The following OAS3 variants were observed in gnomAD, a reference collection of about 807,000 sequenced individuals.
The protein encoded by OAS3 is 2'-5'-oligoadenylate synthase 3.
In OAS3, 107 loss-of-function variants were observed where a neutral mutation model predicts 113.0. The observed-to-expected ratio is 0.95, with a 90% confidence interval of 0.81 to 1.11. The LOEUF (loss-of-function observed/expected upper bound fraction) is 1.11, where lower values mean the gene tolerates loss of function less well. Ranked by LOEUF, OAS3 falls within the 50% of genes most tolerant of loss-of-function variation. The probability of loss-of-function intolerance (pLI) is 0.00; values close to 1 mark genes in which losing one functional copy is unlikely to be tolerated. For synonymous variants in OAS3, 552 were observed against 573.6 expected, an observed-to-expected ratio of 0.96 and a Z score of 0.54; for missense variants, 1,258 against 1,389.1, an observed-to-expected ratio of 0.91 and a Z score of 1.50.
intron 12 of OAS3, among the ~76,000 whole-genome samples, chr12:112,967,162 C>G (rs1174546585): frequency 6.6e-6 from 1 of 152,170 alleles, no homozygotes; most frequent in Non-Finnish European, 1.5e-5. Context: ...TAGCTCCCAG[C>G]TGAGACTTTT....
chr12:112,969,504 C>A (rs1424187254), intron 14 of OAS3, 104 bp from the exon 15 acceptor site: 3 of 1,363,124 alleles, frequency 2.2e-6, no homozygotes, highest in South Asian at 1.3e-5. Flanking sequence ...CTGGCTCTAG[C>A]CCCTGCAAAG....
chr12:112,962,152 C>G (rs923645388), intron 8 of OAS3, among the ~76,000 whole-genome samples: 1 of 152,172 alleles, frequency 6.6e-6, no homozygotes, highest in African/African-American at 2.4e-5. Flanking sequence ...AGCTCCCTTA[C>G]TAAATACTTC....
At position 112,946,932 on chromosome 12, in the gene OAS3, G is replaced by A. The variant is rs775942215; in HGVS notation, c.826G>A (p.Glu276Lys). The change falls in exon 4 of 16, where the codon GAG (glutamate) becomes AAG (lysine). Residue 276 changes from glutamate to lysine, a missense_variant. Coordinates refer to ENST00000228928, the MANE Select transcript of OAS3 (RefSeq NM_006187.4). ...TTTCTGGACTGTCAACTATGGCTTC[G>A]AGGACCCTGCAGTTGGGCAGTTCTT... ...CVFWTVNYGF[E>K]DPAVGQFLQR... 24 of 1,613,994 alleles carry A rather than the reference G, an allele frequency of 1.5e-5. No individual in the cohort carries two copies. The highest frequency in any genetic ancestry group is 8.3e-5 in the Admixed American group (5 of 60,030).
chr12:112,951,357 A>T (rs2043790083), intron 7 of OAS3, among the ~76,000 whole-genome samples: 1 of 151,798 alleles, frequency 6.6e-6, no homozygotes, highest in Non-Finnish European at 1.5e-5. Context: ...TAACTTTCGG[A>T]GGTGAATCTT....
chr12:112,969,895 C>T (rs374867416), intron 15 of OAS3, 67 bp from the exon 16 acceptor site: 61 of 1,593,824 alleles, frequency 3.8e-5, no homozygotes, highest in South Asian at 1.2e-4. Context: ...TTTTCCCATC[C>T]GGCTGTGTGG....
Position 112,950,965 on chromosome 12 carries a change from C to A in OAS3, c.1647C>A (p.Phe549Leu). 1.9e-6 allele frequency: 3 copies of A among 1,612,814 alleles called. No individual in the cohort carries two copies. The highest frequency in any genetic ancestry group is 2.5e-6 in the Non-Finnish European group (3 of 1,179,172). The change falls in exon 7 of 16, where the codon TTC becomes TTA. Residue 549 changes from phenylalanine to leucine, a missense_variant. Physicochemically the swap from Phe to Leu is conservative, Grantham distance 22 (BLOSUM62 0). Transcript: ENST00000228928. ...CGGATGTTAGCCTGCTGCCTGCCTT[C>A]GATGCTGTGGGTGAGGGCGCCCAGC... ...SWTDVSLLPA[F>L]DAVGQLSSGT...
rs1287889248 is a variant in OAS3 at position 112,963,480 on chromosome 12, G to A, written c.2229+23G>A. Reference sequence around the variant, plus strand: ...ATGGTAAGATGGAGGGTCCTGGGGGGCAGGGGGCCCTGCACCCTGCCTTCT... The same window carrying A: ...ATGGTAAGATGGAGGGTCCTGGGGGACAGGGGGCCCTGCACCCTGCCTTCT... On this transcript the variant is annotated intron_variant, in intron 10 of 15. Coordinates refer to ENST00000228928, the MANE Select transcript of OAS3 (RefSeq NM_006187.4). This position sits in a 1 kb window ranked among gnomAD's most constrained non-coding sequence, Gnocchi z 4.6. 1 of 1,502,538 alleles carries A rather than the reference G, an allele frequency of 6.7e-7. No individual in the cohort carries two copies. Among genetic ancestry groups the A allele is most frequent in the Non-Finnish European group, 8.9e-7 (1 of 1,119,060 alleles). The allele number at this position is 1,502,538 out of a possible 1,614,324, so 93.1% of individuals were successfully genotyped here.
intron 7 of OAS3, among the ~76,000 whole-genome samples, chr12:112,959,436 C>T (rs922497448): frequency 1.3e-5 from 2 of 152,186 alleles, no homozygotes; most frequent in African/African-American, 4.8e-5. Context: ...GTCACTCACG[C>T]TGGGAGCTGT....
chr12:112,961,360 C>A, intron 8 of OAS3, 114 bp downstream of exon 8: 1 of 992,608 alleles, frequency 1.0e-6, no homozygotes, highest in Non-Finnish European at 1.5e-6. Context: ...ATTGGTCATC[C>A]AGAGCAGAAG....
At chr12:112,947,857 A>G (rs1419077876) in intron 4 of OAS3, 89 bp from the exon 5 acceptor site, 7 of 1,223,358 alleles carry the variant, frequency 5.7e-6, no homozygotes, top group Non-Finnish European at 7.8e-6. Flanking sequence ...ACACAGCTGG[A>G]AAGTAGCAGA....
intron 2 of OAS3, among the ~76,000 whole-genome samples, chr12:112,943,405 C>T (rs1231439250): frequency 6.6e-6 from 1 of 152,094 alleles, no homozygotes; most frequent in Non-Finnish European, 1.5e-5. Context: ...ATACAGTGAC[C>T]CACCCAAAGC....
Position 112,962,834 on chromosome 12 carries a change from G to A in OAS3, c.2016G>A (p.Trp672Ter), listed in dbSNP as rs1593183669. The A allele has an allele frequency of 1.2e-6, 2 of 1,613,884 alleles. No individual in the cohort carries two copies. The highest frequency in any genetic ancestry group is 2.7e-5 in the African/African-American group (2 of 74,920). Residue 672 changes from tryptophan (W) to a stop codon, truncating the protein, a stop_gained, in exon 9 of 16, where the codon TGG becomes TGA. Coordinates refer to ENST00000228928, the MANE Select transcript of OAS3 (RefSeq NM_006187.4). LOFTEE classifies it high-confidence loss of function. ...VQQHQQLCVY[W>*]TVNYSTEDPA... ...AGCATCAGCAGCTCTGTGTCTACTGGACGGTCAACTATAGCACTGAGGACC... is the reference window on the plus strand; with the variant it reads ...AGCATCAGCAGCTCTGTGTCTACTGAACGGTCAACTATAGCACTGAGGACC...
chr12:112,962,637 C>A lies in OAS3; in HGVS notation c.1834-15C>A, dbSNP rs2043897038. ...CCACTAATCACTCATCTTTGGTTGG[C>A]CTTGTGTGACACAGGTTGCGGCTCA... On this transcript the variant is annotated splice_polypyrimidine_tract_variant and intron_variant, in intron 8 of 15. Transcript: ENST00000228928. The A allele has an allele frequency of 6.2e-7, 1 of 1,610,460 alleles. No individual in the cohort carries two copies. The highest frequency in any genetic ancestry group is 1.3e-5 in the African/African-American group (1 of 74,862).
chr12:112,957,241 G>C (rs1019434027), intron 7 of OAS3, among the ~76,000 whole-genome samples: 18 of 152,098 alleles, frequency 1.2e-4, no homozygotes, highest in African/African-American at 4.3e-4. Context: ...CTCTGCATGT[G>C]AGCTGGGTCT....
At position 112,953,503 on chromosome 12, in the gene OAS3, G is replaced by A. The variant is rs372420324; in HGVS notation, c.1657+2528G>A. Among the ~76,000 whole-genome samples, 216 of 152,222 alleles carry A rather than the reference G, an allele frequency of 1.4e-3. 4 individuals carry two copies. The highest frequency in any genetic ancestry group is 4.3e-3 in the African/African-American group (177 of 41,524). On this transcript the variant is annotated intron_variant, in intron 7 of 15. Transcript: ENST00000228928. ...TTTATAATCCTTTGGGTATATACCCGGTAATGGGATGGCTGGGTCAAATGG... is the reference window on the plus strand; with the variant it reads ...TTTATAATCCTTTGGGTATATACCCAGTAATGGGATGGCTGGGTCAAATGG...
At chr12:112,944,398 G>C (rs191116522) in intron 2 of OAS3, 78 bp from the exon 3 acceptor site, 372 of 1,517,754 alleles carry the variant, frequency 2.5e-4, no homozygotes, top group Admixed American at 9.1e-4. Flanking sequence ...AGCGCCCCAG[G>C]CTGAGCTCGG....
Position 112,965,990 on chromosome 12 carries a change from A to G in OAS3, c.2650A>G (p.Ser884Gly), listed in dbSNP as rs1475428911. The change falls in exon 12 of 16, where the codon AGT (serine) becomes GGT (glycine). Residue 884 changes from serine to glycine, a missense_variant. Transcript: ENST00000228928. ...GACATCCCAGACGATGCTGGACCAG[A>G]GTGTGGACTTTGATGTGCTGCCAGC... ...SLTSQTMLDQ[S>G]VDFDVLPAFD... 1 of 1,613,898 alleles carries G rather than the reference A, an allele frequency of 6.2e-7. No homozygotes were observed. Among genetic ancestry groups the G allele is most frequent in the African/African-American group, 1.3e-5 (1 of 74,918 alleles).
intron 4 of OAS3, 124 bp downstream of exon 4, chr12:112,947,105 G>A: frequency 1.4e-6 from 1 of 714,520 alleles, no homozygotes. Flanking sequence ...AATGCTACAT[G>A]TACATGTTTT....
Position 112,941,636 on chromosome 12 carries a change from G to A in OAS3, c.244G>A (p.Asp82Asn), listed in dbSNP as rs377277983. The A allele has an allele frequency of 2.0e-5, 32 of 1,613,872 alleles. No individual in the cohort carries two copies. The highest frequency in any genetic ancestry group is 6.7e-5 in the East Asian group (3 of 44,900). Residue 82 changes from aspartate (D) to asparagine (N), a missense_variant, in exon 2 of 16, where the codon GAC becomes AAC. By Grantham distance (23) the Asp-to-Asn change is conservative (BLOSUM62 1). Coordinates refer to ENST00000228928, the MANE Select transcript of OAS3 (RefSeq NM_006187.4). ...TGATTCTGAACTTGTCATCTTCCTCGACTGCTTCAAGAGCTATGTGGACCA... is the reference window on the plus strand; with the variant it reads ...TGATTCTGAACTTGTCATCTTCCTCAACTGCTTCAAGAGCTATGTGGACCA... The part of the protein sequence containing the change: ...GCDSELVIFL[D>N]CFKSYVDQRA...
Sources: allele counts gnomAD v4.1 joint callset (sites outside exome capture counted in the v4.1 genomes callset), GRCh38; gene constraint gnomAD v4.1.1; non-coding constraint Gnocchi (gnomAD v3.1); transcripts MANE v1.5; gene names NCBI Gene and HGNC (gene_info 2026-07-23, HGNC 2026-07-21).